Variants in SGMS1 observed in about 807,000 individuals in gnomAD.
SGMS1 encodes sphingomyelin synthase 1.
Under a neutral mutation model 46.2 loss-of-function variants are expected in SGMS1, and 13 were observed. The ratio of observed to expected loss-of-function variants is 0.28; its 90% CI spans 0.18 to 0.45. The LOEUF (loss-of-function observed/expected upper bound fraction) is 0.45, where lower values mean the gene tolerates loss of function less well. Ranked by LOEUF, SGMS1 falls within the 20% of genes least tolerant of loss-of-function variation. The pLI, the probability that SGMS1 is intolerant of heterozygous loss-of-function variation, is 1.00. For missense variants in SGMS1, 324 were observed against 519.9 expected, an observed-to-expected ratio of 0.62 and a Z score of 3.66; for synonymous variants, 203 against 187.8, an observed-to-expected ratio of 1.08 and a Z score of -0.66.
At chr10:50,338,107 C>T (rs1014595075) in intron 7 of SGMS1, among the ~76,000 whole-genome samples, 1 of 152,116 alleles carries the variant, frequency 6.6e-6, no homozygotes, top group Non-Finnish European at 1.5e-5. Context: ...TTCTTCTTTA[C>T]TTCCTTCCCT....
chr10:50,579,886 A>G (rs1838417150), intron 2 of SGMS1, among the ~76,000 whole-genome samples: 1 of 152,244 alleles, frequency 6.6e-6, no homozygotes, highest in Non-Finnish European at 1.5e-5. Flanking sequence ...CAGCAGGCCT[A>G]GAGAGCAAGT....
chr10:50,624,933 G>A (rs1028526228), upstream of SGMS1: 1 of 1,016,676 alleles, frequency 9.8e-7, no homozygotes. Context: ...GTGACTGTCC[G>A]CGGCGCTCCG....
At chr10:50,530,806 T>C (rs1306319476) in intron 2 of SGMS1, among the ~76,000 whole-genome samples, 1 of 152,182 alleles carries the variant, frequency 6.6e-6, no homozygotes, top group Admixed American at 6.6e-5. Context: ...GTTTATATAA[T>C]ACATGCAAAT....
chr10:50,375,376 CTT>C (rs1311274533), intron 6 of SGMS1, among the ~76,000 whole-genome samples: 8 of 152,098 alleles, frequency 5.3e-5, no homozygotes, highest in Admixed American at 4.6e-4. Flanking sequence ...AGGCATCAAA[CTT>C]GATGTAGAGA....
Position 50,315,470 on chromosome 10 carries a change from AAAAAG to A in SGMS1, c.742-4060_742-4056del, listed in dbSNP as rs919802611. On this transcript the variant is annotated intron_variant, in intron 8 of 10. Transcript: ENST00000361781. ...AAATCAGGCAGGAAATGTGAATGGA[AAAAAG>A]AAAAGAAAAGAACAAAATGAAACAG... Among the ~76,000 whole-genome samples the A allele has an allele frequency of 4.6e-4, 70 of 152,336 alleles. 2 individuals carry two copies. Among genetic ancestry groups the A allele is most frequent in the Middle Eastern group, 6.8e-3 (2 of 294 alleles).
chr10:50,451,027 A>G (rs778302766), intron 5 of SGMS1, among the ~76,000 whole-genome samples: 5 of 152,114 alleles, frequency 3.3e-5, no homozygotes, highest in Non-Finnish European at 7.4e-5. Context: ...GAAAATATTT[A>G]TAACATGAGA....
intron 2 of SGMS1, among the ~76,000 whole-genome samples, chr10:50,571,446 G>A (rs780399459): frequency 7.2e-5 from 11 of 152,230 alleles, no homozygotes; most frequent in Non-Finnish European, 1.3e-4. Context: ...TACAATTTAA[G>A]CAAAGCCTGG....
intron 6 of SGMS1, among the ~76,000 whole-genome samples, chr10:50,432,197 A>G (rs1034709351): frequency 6.6e-6 from 1 of 152,186 alleles, no homozygotes; most frequent in African/African-American, 2.4e-5. Context: ...CCAATTGTTA[A>G]ATTCTCAAAA....
chr10:50,551,598 A>T (rs1838149013), intron 2 of SGMS1, among the ~76,000 whole-genome samples: 1 of 152,110 alleles, frequency 6.6e-6, no homozygotes, highest in South Asian at 2.1e-4. Context: ...AGATATTAGC[A>T]GTAGGGGAAA....
intron 2 of SGMS1, among the ~76,000 whole-genome samples, chr10:50,526,228 G>A (rs1432328951): frequency 2.0e-5 from 3 of 152,160 alleles, no homozygotes; most frequent in Non-Finnish European, 4.4e-5. Flanking sequence ...TTACAATCAC[G>A]GCAGAAGGCG....
chr10:50,575,616 C>CA (rs1838377212), intron 2 of SGMS1, among the ~76,000 whole-genome samples: 2 of 152,158 alleles, frequency 1.3e-5, no homozygotes, highest in South Asian at 4.1e-4. Context: ...CTCCTCCCCC[C>CA]ACACACAAAG....
At chr10:50,622,968 T>C (rs1053706957) in intron 1 of SGMS1, among the ~76,000 whole-genome samples, 2 of 152,172 alleles carry the variant, frequency 1.3e-5, no homozygotes, top group Non-Finnish European at 2.9e-5. Context: ...AGCGGCGTCC[T>C]GGAGAGACTG....
chr10:50,571,604 G>T (rs1302189775), intron 2 of SGMS1, among the ~76,000 whole-genome samples: 1 of 152,076 alleles, frequency 6.6e-6, no homozygotes, highest in African/African-American at 2.4e-5. Context: ...AATAACATCT[G>T]CTGTGTATTT....
At chr10:50,509,298 A>G (rs1837733988) in intron 3 of SGMS1, among the ~76,000 whole-genome samples, 1 of 152,208 alleles carries the variant, frequency 6.6e-6, no homozygotes, top group African/African-American at 2.4e-5. Context: ...AGAGCTCTAC[A>G]GCTTCAAATT....
rs183536174 is a variant in SGMS1 at position 50,321,176 on chromosome 10, C to T, written c.741+6029G>A. 2.2e-3 allele frequency among the ~76,000 whole-genome samples: 339 copies of T among 152,134 alleles called. 2 individuals carry two copies. The highest frequency in any genetic ancestry group is 4.4e-3 in the South Asian group (21 of 4,820). On this transcript the variant is annotated intron_variant, in intron 8 of 10. Transcript: ENST00000361781. ...GCCTTTAGAAAGGCTAGAGTTTATA[C>T]AATAATGTAAAAATTCATACATCAA...
intron 5 of SGMS1, among the ~76,000 whole-genome samples, chr10:50,448,892 G>T (rs1483534989): frequency 6.6e-6 from 1 of 152,052 alleles, no homozygotes; most frequent in Non-Finnish European, 1.5e-5. Flanking sequence ...ATTTAAAAAT[G>T]GGCTGAAGAC....
intron 5 of SGMS1, among the ~76,000 whole-genome samples, chr10:50,439,304 C>T (rs1003697492): frequency 6.6e-6 from 1 of 152,146 alleles, no homozygotes; most frequent in Non-Finnish European, 1.5e-5. Context: ...ACTCAATGAG[C>T]CAGAGACCTC....
intron 6 of SGMS1, among the ~76,000 whole-genome samples, chr10:50,378,481 G>T (rs1327191235): frequency 6.6e-6 from 1 of 152,174 alleles, no homozygotes; most frequent in African/African-American, 2.4e-5. Flanking sequence ...TGAGACAAAT[G>T]AGTCCTAAAG....
chr10:50,505,654 T>C (rs1341938634), intron 3 of SGMS1, among the ~76,000 whole-genome samples: 2 of 152,144 alleles, frequency 1.3e-5, no homozygotes, highest in Admixed American at 1.3e-4. Flanking sequence ...GTGCTATAGA[T>C]ACAGCAGGGA....
Sources: gnomAD v4.1 joint callset for allele counts (sites outside exome capture counted in the v4.1 genomes callset) on GRCh38, gnomAD v4.1.1 for gene constraint, MANE v1.5 for transcripts, NCBI Gene and HGNC (gene_info 2026-07-23, HGNC 2026-07-21) for gene names.